The following DLG2 variants were observed in gnomAD, a reference collection of about 807,000 sequenced individuals.
DLG2 encodes discs large MAGUK scaffold protein 2.
In DLG2, 45 loss-of-function variants were observed where a neutral mutation model predicts 132.5. That is an observed-to-expected ratio of 0.34 (90% CI 0.27 to 0.44). The LOEUF (loss-of-function observed/expected upper bound fraction) is 0.44. Among genes scored for constraint, DLG2 ranks in the 20% least tolerant of loss-of-function variants. DLG2 has a pLI of 1.00. For synonymous variants in DLG2, 424 were observed against 419.6 expected, an observed-to-expected ratio of 1.01 and a Z score of -0.13; for missense variants, 1,045 against 1,196.9, an observed-to-expected ratio of 0.87 and a Z score of 1.87.
chr11:83,774,271 ATC>A (rs2094504309), intron 18 of DLG2, among the ~76,000 whole-genome samples: 2 of 152,080 alleles, frequency 1.3e-5, no homozygotes, highest in African/African-American at 4.8e-5. Context: ...GGGTCTAATT[ATC>A]TCTCTCTCCA....
At chr11:84,116,647 T>C (rs1215516241) in intron 9 of DLG2, among the ~76,000 whole-genome samples, 2 of 152,218 alleles carry the variant, frequency 1.3e-5, no homozygotes, top group African/African-American at 4.8e-5. Flanking sequence ...GTGGGGATTA[T>C]GGTATCTACA....
At chr11:85,423,760 C>T (rs1005752149) in intron 3 of DLG2, among the ~76,000 whole-genome samples, 18 of 152,168 alleles carry the variant, frequency 1.2e-4, no homozygotes, top group Admixed American at 1.0e-3. Flanking sequence ...ATCCTAAGGG[C>T]TGGTCTCACA....
intron 3 of DLG2, among the ~76,000 whole-genome samples, chr11:85,488,301 A>G (rs990870083): frequency 2.0e-5 from 3 of 151,950 alleles, no homozygotes; most frequent in African/African-American, 4.8e-5. Context: ...AGGAAGGAGA[A>G]TCGCTTGAAC....
At chr11:83,925,829 C>T (rs540443352) in intron 15 of DLG2, among the ~76,000 whole-genome samples, 2 of 152,106 alleles carry the variant, frequency 1.3e-5, no homozygotes, top group Admixed American at 6.6e-5. Flanking sequence ...ATTCTCCTTG[C>T]CCTAGAAATA....
chr11:85,020,949 T>A (rs2060008907), intron 6 of DLG2: 1 of 775,834 alleles, frequency 1.3e-6, no homozygotes, highest in African/African-American at 1.7e-5. Flanking sequence ...CAACTTCACA[T>A]TAGTCTCATC....
intron 19 of DLG2, among the ~76,000 whole-genome samples, chr11:83,546,572 C>A (rs2096248745): frequency 6.6e-6 from 1 of 152,030 alleles, no homozygotes; most frequent in Admixed American, 6.6e-5. Flanking sequence ...GCCATGTAAG[C>A]ATTTTTGGTC....
chr11:84,850,585 T>C (rs1015409419), intron 6 of DLG2, among the ~76,000 whole-genome samples: 3 of 152,044 alleles, frequency 2.0e-5, no homozygotes, highest in Non-Finnish European at 4.4e-5. Context: ...ATAAAAAGCA[T>C]CTGGATTGAA....
In DLG2 at chr11:83,978,186, A is replaced by T. The variant is rs1217264250; in HGVS notation, c.1056+2320T>A. Among the ~76,000 whole-genome samples the T allele has an allele frequency of 3.9e-4, 58 of 149,826 alleles. 1 individual carries two copies. Among genetic ancestry groups the T allele is most frequent in the Admixed American group, 1.2e-3 (18 of 15,074 alleles). ...TTTGGAGCAAGTTTTTTTTTTTTTT[A>T]AATTTGGAAACAAAACAAAAAATTT... is the stretch of plus-strand genomic sequence containing the variant. On this transcript the variant is annotated intron_variant, in intron 12 of 27. Transcript: ENST00000376104.
intron 18 of DLG2, among the ~76,000 whole-genome samples, chr11:83,701,029 G>C (rs1046609179): frequency 1.6e-4 from 24 of 152,128 alleles, no homozygotes; most frequent in African/African-American, 5.8e-4. Context: ...GTACTTGTTT[G>C]GGAAATCGCA....
intron 7 of DLG2, among the ~76,000 whole-genome samples, chr11:84,327,556 GATTTCT>G (rs1200513645): frequency 6.6e-6 from 1 of 151,818 alleles, no homozygotes; most frequent in Non-Finnish European, 1.5e-5. Flanking sequence ...TGTTGCTTTT[GATTTCT>G]TTCTCATTTT....
chr11:85,174,352 A>G (rs1206555809), intron 4 of DLG2, among the ~76,000 whole-genome samples: 1 of 152,204 alleles, frequency 6.6e-6, no homozygotes, highest in African/African-American at 2.4e-5. Context: ...GAAATTGAAC[A>G]ACCTGCTCCT....
intron 6 of DLG2, among the ~76,000 whole-genome samples, chr11:84,621,209 C>T (rs1018262004): frequency 1.3e-5 from 2 of 152,038 alleles, no homozygotes; most frequent in African/African-American, 4.8e-5. Flanking sequence ...ATATCATTTC[C>T]ACTCATATAT....
rs528297179 is a variant in DLG2, at chr11:83,605,460, G to A, written c.1940+27751C>T. 8.5e-5 allele frequency among the ~76,000 whole-genome samples: 13 copies of A among 152,302 alleles called. 1 individual carries two copies. The highest frequency in any genetic ancestry group is 2.9e-4 in the African/African-American group (12 of 41,556). On this transcript the variant is annotated intron_variant, in intron 19 of 27. Coordinates refer to ENST00000376104, the MANE Select transcript of DLG2 (RefSeq NM_001142699.3). The stretch of plus-strand genomic sequence containing the variant: ...ACTAATTTCTAAAGCAGTGGGACCA[G>A]GGAAATAACTCCAGAAGAGACAACA...
chr11:83,744,135 G>C (rs2092740560), intron 18 of DLG2, among the ~76,000 whole-genome samples: 1 of 152,160 alleles, frequency 6.6e-6, no homozygotes, highest in Non-Finnish European at 1.5e-5. Context: ...TGAATGTTGA[G>C]AGGCAGTTCT....
chr11:85,513,179 C>T (rs192093448), intron 3 of DLG2, among the ~76,000 whole-genome samples: 1 of 151,822 alleles, frequency 6.6e-6, no homozygotes, highest in African/African-American at 2.4e-5. Context: ...AAAATAAACA[C>T]TGAGGATTCT....
intron 7 of DLG2, among the ~76,000 whole-genome samples, chr11:84,472,274 T>C (rs190948009): frequency 6.6e-6 from 1 of 152,074 alleles, no homozygotes; most frequent in East Asian, 1.9e-4. Flanking sequence ...ATGCTACCTA[T>C]TGGCTCATAC....
At chr11:83,491,364 G>GATC (rs1209399109) in intron 21 of DLG2, among the ~76,000 whole-genome samples, 1 of 151,826 alleles carries the variant, frequency 6.6e-6, no homozygotes, top group East Asian at 1.9e-4. Flanking sequence ...ATCCTCTTTT[G>GATC]ATCTCAAAAA....
intron 6 of DLG2, among the ~76,000 whole-genome samples, chr11:85,106,277 C>T (rs2071735473): frequency 6.6e-6 from 1 of 152,074 alleles, no homozygotes; most frequent in Non-Finnish European, 1.5e-5. Flanking sequence ...GGCCCCACTC[C>T]TTAAAAATGG....
rs75596486 is a variant in DLG2, at chr11:85,308,072, T to C, written c.41-22707A>G. ...CAGAGGCTGAGGCAGGAGAATCGCT[T>C]GATCCCAGGAGGCAGAGGTTGTAGT... On this transcript the variant is annotated intron_variant, in intron 3 of 27. Transcript: ENST00000376104. 3.9e-5 allele frequency among the ~76,000 whole-genome samples: 6 copies of C among 151,984 alleles called. No individual in the cohort carries two copies. The East Asian group carries it at 1.2e-3, about 29-fold the overall frequency.
Sources: gnomAD v4.1 joint callset for allele counts (sites outside exome capture counted in the v4.1 genomes callset) on GRCh38, gnomAD v4.1.1 for gene constraint, MANE v1.5 for transcripts, NCBI Gene and HGNC (gene_info 2026-07-23, HGNC 2026-07-21) for gene names.